The following OPCML variants were observed in gnomAD, a reference collection of about 807,000 sequenced individuals.
OPCML encodes the protein opioid-binding protein/cell adhesion molecule.
OPCML carries 13 observed loss-of-function variants against 37.8 expected under a neutral mutation model. The ratio of observed to expected loss-of-function variants is 0.34; its 90% CI spans 0.22 to 0.55. The LOEUF (loss-of-function observed/expected upper bound fraction) is 0.55. Among genes scored for constraint, OPCML ranks in the 20% least tolerant of loss-of-function variants. OPCML has a pLI of 0.91. For synonymous variants in OPCML, 176 were observed against 168.8 expected, an observed-to-expected ratio of 1.04 and a Z score of -0.33; for missense variants, 341 against 435.6, an observed-to-expected ratio of 0.78 and a Z score of 1.93.
intron 1 of OPCML, among the ~76,000 whole-genome samples, chr11:133,445,130 C>T (rs7110403): frequency 2.0e-4 from 19 of 96,288 alleles, no homozygotes; most frequent in African/African-American, 8.9e-4. Flanking sequence ...GAGACCACCA[C>T]ACCCCATCTA....
At chr11:132,466,293 G>A (rs1479015967) in intron 4 of OPCML, among the ~76,000 whole-genome samples, 11 of 144,800 alleles carry the variant, frequency 7.6e-5, no homozygotes. Flanking sequence ...AGACCATGAT[G>A]AAACCCCGTC....
At chr11:133,511,462 C>T (rs909814917) in intron 1 of OPCML, among the ~76,000 whole-genome samples, 14 of 152,152 alleles carry the variant, frequency 9.2e-5, no homozygotes, top group African/African-American at 3.1e-4. Context: ...TTCCCACTTG[C>T]TTACTCTGCT....
intron 1 of OPCML, among the ~76,000 whole-genome samples, chr11:133,510,465 T>G (rs1442425689): frequency 6.6e-6 from 1 of 152,236 alleles, no homozygotes; most frequent in African/African-American, 2.4e-5. Flanking sequence ...GTCTTAAGGT[T>G]CCTTATGATG....
chr11:132,870,519 C>T (rs1942754807), intron 2 of OPCML, among the ~76,000 whole-genome samples: 1 of 151,950 alleles, frequency 6.6e-6, no homozygotes, highest in Admixed American at 6.6e-5. Flanking sequence ...AAAAATGGCG[C>T]CACCCTATGA....
chr11:132,795,432 C>A (rs970602160), intron 2 of OPCML, among the ~76,000 whole-genome samples: 2 of 152,164 alleles, frequency 1.3e-5, no homozygotes, highest in Admixed American at 1.3e-4. Flanking sequence ...GAAGTATACA[C>A]CCATTGCCAC....
At chr11:133,514,291 C>G (rs529842159) in intron 1 of OPCML, among the ~76,000 whole-genome samples, 19 of 152,170 alleles carry the variant, frequency 1.2e-4, no homozygotes, top group Non-Finnish European at 2.6e-4. Flanking sequence ...GGCGAGTTGG[C>G]TGCTCCCTAG....
At chr11:133,258,729 C>T (rs933141957) in intron 1 of OPCML, among the ~76,000 whole-genome samples, 1 of 152,100 alleles carries the variant, frequency 6.6e-6, no homozygotes, top group Admixed American at 6.5e-5. Flanking sequence ...TGGCCCCCTC[C>T]CACTCACACC....
At chr11:133,053,913 A>G (rs1414806312) in intron 1 of OPCML, among the ~76,000 whole-genome samples, 1 of 152,140 alleles carries the variant, frequency 6.6e-6, no homozygotes, top group Non-Finnish European at 1.5e-5. Flanking sequence ...AAATATGCAT[A>G]ATGAGCAAAA....
chr11:133,191,984 T>C (rs961514066), intron 1 of OPCML, among the ~76,000 whole-genome samples: 1 of 152,196 alleles, frequency 6.6e-6, no homozygotes, highest in African/African-American at 2.4e-5. Flanking sequence ...TTGAACTGTC[T>C]GCTGTTTTTA....
intron 1 of OPCML, among the ~76,000 whole-genome samples, chr11:133,106,992 G>A (rs997334638): frequency 6.6e-6 from 1 of 152,158 alleles, no homozygotes; most frequent in African/African-American, 2.4e-5. Flanking sequence ...AACTCAGTAG[G>A]TAATACGTTC....
chr11:133,135,440 G>GT lies in OPCML; in HGVS notation c.62-192431dup, dbSNP rs11291782. Among the ~76,000 whole-genome samples, 242 of 131,212 alleles carry GT rather than the reference G, an allele frequency of 1.8e-3. 1 individual carries two copies. Among genetic ancestry groups the GT allele is most frequent in the South Asian group, 0.012 (45 of 3,826 alleles). The allele number at this position is 131,212 out of a possible 152,430, so 86.1% of individuals were successfully genotyped here. A position where few individuals can be genotyped will look rare whatever the true frequency, so the allele number is the denominator to read the frequency against. ...GATTCCTATTCTTTGCCCTCCATAG[G>GT]TTTTTTTTTTTTTTTTTTTAACTGT... is the stretch of plus-strand genomic sequence containing the variant. On this transcript the variant is annotated intron_variant, in intron 1 of 7. Coordinates refer to ENST00000524381, the MANE Select transcript of OPCML (RefSeq NM_001012393.5).
chr11:132,508,378 C>A (rs1413582006), intron 4 of OPCML, among the ~76,000 whole-genome samples: 1 of 152,098 alleles, frequency 6.6e-6, no homozygotes, highest in Non-Finnish European at 1.5e-5. Context: ...ATGACCACAC[C>A]AGATTTATTC....
intron 2 of OPCML, among the ~76,000 whole-genome samples, chr11:132,712,376 C>T (rs1944302860): frequency 6.6e-6 from 1 of 151,724 alleles, no homozygotes; most frequent in South Asian, 2.1e-4. Flanking sequence ...ATGAAGGTCG[C>T]CACTTAATAA....
intron 1 of OPCML, among the ~76,000 whole-genome samples, chr11:133,140,221 A>ATAATAATAC (rs1295109781): frequency 2.9e-5 from 4 of 137,684 alleles, no homozygotes; most frequent in South Asian, 2.3e-4. Flanking sequence ...AATAATAATA[A>ATAATAATAC]TACTGATAGG....
chr11:132,518,781 C>G (rs1243152962), intron 4 of OPCML, among the ~76,000 whole-genome samples: 1 of 152,168 alleles, frequency 6.6e-6, no homozygotes, highest in Non-Finnish European at 1.5e-5. Context: ...AGACCATAGG[C>G]TCCAGACCGG....
At chr11:132,895,810 C>T (rs914009164) in intron 2 of OPCML, among the ~76,000 whole-genome samples, 2 of 152,242 alleles carry the variant, frequency 1.3e-5, no homozygotes, top group South Asian at 2.1e-4. Flanking sequence ...TCCACCCCCC[C>T]TGCCCCTCTT....
chr11:133,056,745 G>T (rs941078809), intron 1 of OPCML, among the ~76,000 whole-genome samples: 9 of 152,182 alleles, frequency 5.9e-5, no homozygotes, highest in Admixed American at 2.0e-4. Context: ...ACTATGTATG[G>T]TTCCGTAAGT....
At chr11:133,264,296 A>G (rs1941585682) in intron 1 of OPCML, among the ~76,000 whole-genome samples, 2 of 152,242 alleles carry the variant, frequency 1.3e-5, no homozygotes, top group Non-Finnish European at 2.9e-5. Flanking sequence ...ATTGCAAATT[A>G]TTACATGCAG....
At chr11:132,928,702 G>A (rs1565972611) in intron 2 of OPCML, among the ~76,000 whole-genome samples, 1 of 151,890 alleles carries the variant, frequency 6.6e-6, no homozygotes, top group Non-Finnish European at 1.5e-5. Flanking sequence ...CATTCTTCAG[G>A]ATAGATCATA....
Sources: gnomAD v4.1 joint callset for allele counts (sites outside exome capture counted in the v4.1 genomes callset) on GRCh38, gnomAD v4.1.1 for gene constraint, MANE v1.5 for transcripts, NCBI Gene and HGNC (gene_info 2026-07-23, HGNC 2026-07-21) for gene names.